The following PHACTR2 variants were observed in gnomAD, a reference collection of about 807,000 sequenced individuals.
PHACTR2 encodes the protein chromosome 6 open reading frame 56.
A neutral mutation model predicts 76.0 loss-of-function variants in PHACTR2; 30 were observed. The observed-to-expected ratio is 0.39, with a 90% CI of 0.30 to 0.54. The LOEUF (loss-of-function observed/expected upper bound fraction) is 0.54. PHACTR2 is among the 20% of genes least tolerant of loss of function. The probability of loss-of-function intolerance (pLI) is 0.61; values close to 1 mark genes in which losing one functional copy is unlikely to be tolerated. For missense variants in PHACTR2, 696 were observed against 781.1 expected, an observed-to-expected ratio of 0.89 and a Z score of 1.30; for synonymous variants, 292 against 292.5, an observed-to-expected ratio of 1.00 and a Z score of 0.02.
chr6:143,575,913 C>T (rs1208948176), intron 1 of PHACTR2, among the ~76,000 whole-genome samples: 2 of 152,098 alleles, frequency 1.3e-5, no homozygotes. Flanking sequence ...TCCAGTTCTT[C>T]GAACAAATAT....
rs1228855032 is a variant in PHACTR2, at chr6:143,608,419, T to G, written c.13+97T>G. ...GTTTGCCTATTTGTTGCTCTCGTTTTGCACTTAAATGTTCAAGACTGAGAC... is the reference window on the plus strand; with the variant it reads ...GTTTGCCTATTTGTTGCTCTCGTTTGGCACTTAAATGTTCAAGACTGAGAC... On this transcript the variant is annotated intron_variant, in intron 1 of 11. Coordinates refer to the PHACTR2 transcript ENST00000305766. This position sits in a 1 kb window ranked among gnomAD's most constrained non-coding sequence, Gnocchi z 4.6. 8.1e-6 allele frequency: 10 copies of G among 1,236,522 alleles called. No homozygotes were observed. Among genetic ancestry groups the G allele is most frequent in the Non-Finnish European group, 1.2e-5 (10 of 844,510 alleles). The allele number at this position is 1,236,522 out of a possible 1,614,324, so 76.6% of individuals were successfully genotyped here.
chr6:143,555,314 G>A (rs1775158552), intron 1 of PHACTR2: 1 of 152,084 alleles, frequency 6.6e-6, no homozygotes, highest in Non-Finnish European at 1.5e-5. Flanking sequence ...ATTTTCTTGG[G>A]GGTAAGTTAA....
intron 2 of PHACTR2, among the ~76,000 whole-genome samples, chr6:143,736,447 G>A (rs950526457): frequency 6.6e-6 from 1 of 150,618 alleles, no homozygotes; most frequent in Non-Finnish European, 1.5e-5. Context: ...TGAAAATATT[G>A]GTGGATTATT....
At chr6:143,771,630 G>T (rs1775146742) in intron 6 of PHACTR2, among the ~76,000 whole-genome samples, 1 of 151,564 alleles carries the variant, frequency 6.6e-6, no homozygotes. Flanking sequence ...TGGAGACAAG[G>T]TCCCCTATGT....
upstream of PHACTR2, among the ~76,000 whole-genome samples, chr6:143,606,225 T>A (rs937599992): frequency 6.6e-6 from 1 of 151,204 alleles, no homozygotes; most frequent in Non-Finnish European, 1.5e-5. Flanking sequence ...CACTTCAAGT[T>A]ATGACACTAA....
intron 1 of PHACTR2, among the ~76,000 whole-genome samples, chr6:143,644,325 G>A (rs778969633): frequency 2.0e-5 from 3 of 151,914 alleles, no homozygotes; most frequent in Non-Finnish European, 2.9e-5. Flanking sequence ...AGAATGAGCC[G>A]GGCATGGTGG....
At position 143,776,834 on chromosome 6, in the gene PHACTR2, C is replaced by A. The variant is rs978614692; in HGVS notation, c.1590-494C>A. ...GGCTCCTTGAAGTCTGCCTGGCAGC[C>A]CCATTCCTTCTGTCTTGCTGCTCTC... On this transcript the variant is annotated intron_variant, in intron 8 of 12. Transcript: ENST00000440869. The surrounding 1 kb of genome is among the most constrained non-coding windows in gnomAD (Gnocchi z 5.3). 1.3e-5 allele frequency among the ~76,000 whole-genome samples: 2 copies of A among 152,210 alleles called. No homozygotes were observed. The highest frequency in any genetic ancestry group is 4.8e-5 in the African/African-American group (2 of 41,460).
At chr6:143,707,760 G>C (rs978807061) in intron 1 of PHACTR2, among the ~76,000 whole-genome samples, 1 of 152,124 alleles carries the variant, frequency 6.6e-6, no homozygotes, top group African/African-American at 2.4e-5. Flanking sequence ...AGAAATACCA[G>C]AGACTGGGTA....
chr6:143,631,687 G>A (rs1776365671), intron 1 of PHACTR2, among the ~76,000 whole-genome samples: 7 of 152,042 alleles, frequency 4.6e-5, no homozygotes, highest in Admixed American at 4.6e-4. Flanking sequence ...CCCCACAAAC[G>A]AGGTCTCATT....
rs1776532130 is a variant in PHACTR2 at position 143,639,775 on chromosome 6, G to T, written c.13+31453G>T. Reference sequence around the variant, plus strand: ...CAAATATGAAACATACACAAATATTGACTATTTACACAGTCACAAAAGAAG... The same window carrying T: ...CAAATATGAAACATACACAAATATTTACTATTTACACAGTCACAAAAGAAG... On this transcript the variant is annotated intron_variant, in intron 1 of 11. Transcript: ENST00000305766. The surrounding 1 kb of genome is among the most constrained non-coding windows in gnomAD (Gnocchi z 5.0). 6.6e-6 allele frequency among the ~76,000 whole-genome samples: 1 copy of T among 152,114 alleles called. No homozygotes were observed. Among genetic ancestry groups the T allele is most frequent in the South Asian group, 2.1e-4 (1 of 4,820 alleles).
At chr6:143,607,470 T>C (rs1255463141), upstream of PHACTR2, among the ~76,000 whole-genome samples, 2 of 152,332 alleles carry the variant, frequency 1.3e-5, no homozygotes, top group Non-Finnish European at 2.9e-5. Context: ...AGTCAGTCTT[T>C]CCTGATCTTC....
intron 2 of PHACTR2, among the ~76,000 whole-genome samples, chr6:143,740,843 G>A (rs1251582974): frequency 1.3e-5 from 2 of 152,228 alleles, no homozygotes; most frequent in Non-Finnish European, 2.9e-5. Context: ...AGAATACAAA[G>A]CAGGAGTCTT....
In PHACTR2 at chr6:143,537,978, C is replaced by T. The variant is rs1484702403; in HGVS notation, c.217+771C>T. On this transcript the variant is annotated intron_variant, in intron 1 of 11. Transcript: ENST00000367584. This position sits in a 1 kb window ranked among gnomAD's most constrained non-coding sequence, Gnocchi z 4.4. ...TACAAAAAATTAGCCGCCGAGGCGG[C>T]GCATGCCTGTAGTCCTAGCTACTCA... Among the ~76,000 whole-genome samples the T allele has an allele frequency of 6.6e-6, 1 of 152,200 alleles. No homozygotes were observed. Among genetic ancestry groups the T allele is most frequent in the African/African-American group, 2.4e-5 (1 of 41,444 alleles).
Position 143,550,936 on chromosome 6 carries a change from A to G in PHACTR2, c.217+13729A>G, listed in dbSNP as rs1429579774. Among the ~76,000 whole-genome samples, 3 of 151,862 alleles carry G rather than the reference A, an allele frequency of 2.0e-5. No individual in the cohort carries two copies. The highest frequency in any genetic ancestry group is 7.2e-5 in the African/African-American group (3 of 41,406). Reference sequence around the variant, plus strand: ...TGTCTGTAGTCCCAGCTACTTGGGAACTGAGGCAGGAGGATCACTTGAGCC... The same window carrying G: ...TGTCTGTAGTCCCAGCTACTTGGGAGCTGAGGCAGGAGGATCACTTGAGCC... On this transcript the variant is annotated intron_variant, in intron 1 of 11. Coordinates refer to the PHACTR2 transcript ENST00000367584. The surrounding 1 kb of genome is among the most constrained non-coding windows in gnomAD (Gnocchi z 4.8).
rs547880830 is a variant in PHACTR2 at position 143,700,283 on chromosome 6, G to A, written c.47-11733G>A. Among the ~76,000 whole-genome samples, 9 of 152,196 alleles carry A rather than the reference G, an allele frequency of 5.9e-5. No homozygotes were observed. In the East Asian group the frequency reaches 9.6e-4, roughly 16 times the overall value. ...AAACTGTGATATTTCAGCCAGGCGC[G>A]GTGGCTCATGCCTGTAAACCAAACA... is the stretch of plus-strand genomic sequence containing the variant. On this transcript the variant is annotated intron_variant, in intron 1 of 12. Coordinates refer to ENST00000440869, the MANE Select transcript of PHACTR2 (RefSeq NM_001100164.2). This position sits in a 1 kb window ranked among gnomAD's most constrained non-coding sequence, Gnocchi z 4.1.
In PHACTR2 at chr6:143,548,950, G is replaced by A. The variant is rs960230820; in HGVS notation, c.217+11743G>A. On this transcript the variant is annotated intron_variant, in intron 1 of 11. Coordinates refer to the PHACTR2 transcript ENST00000367584. The surrounding 1 kb of genome is among the most constrained non-coding windows in gnomAD (Gnocchi z 4.5). ...GGGAACAACAAGATAAGAATAGGAA[G>A]GATGATGGAAATCATTGGCTGGGGT... Among the ~76,000 whole-genome samples, 2 of 151,966 alleles carry A rather than the reference G, an allele frequency of 1.3e-5. No individual in the cohort carries two copies. Among genetic ancestry groups the A allele is most frequent in the African/African-American group, 4.8e-5 (2 of 41,398 alleles).
At position 143,683,596 on chromosome 6, in the gene PHACTR2, T is replaced by C. The variant is rs373775135; in HGVS notation, c.46+5387T>C. Among the ~76,000 whole-genome samples the C allele has an allele frequency of 7.3e-4, 111 of 152,348 alleles. 1 individual carries two copies. The South Asian group carries it at 0.022, about 30-fold the overall frequency. On this transcript the variant is annotated intron_variant, in intron 1 of 12. Coordinates refer to ENST00000440869, the MANE Select transcript of PHACTR2 (RefSeq NM_001100164.2). This position sits in a 1 kb window ranked among gnomAD's most constrained non-coding sequence, Gnocchi z 4.1. The stretch of plus-strand genomic sequence containing the variant: ...GTGCAGGATCACACCTATGTTGTGA[T>C]AGAACCTGTATTCATCTGTGTCTCT...
chr6:143,661,267 A>G (rs1776942118), intron 1 of PHACTR2, among the ~76,000 whole-genome samples: 1 of 152,180 alleles, frequency 6.6e-6, no homozygotes, highest in Admixed American at 6.5e-5. Context: ...GTTAAATATA[A>G]TAGTATTCAG....
At chr6:143,649,209 T>G (rs1776713241) in intron 1 of PHACTR2, among the ~76,000 whole-genome samples, 1 of 152,188 alleles carries the variant, frequency 6.6e-6, no homozygotes, top group African/African-American at 2.4e-5. Context: ...ACAGTGACAT[T>G]CAAGCACAAG....
Sources: allele counts gnomAD v4.1 joint callset (sites outside exome capture counted in the v4.1 genomes callset), GRCh38; gene constraint gnomAD v4.1.1; non-coding constraint Gnocchi (gnomAD v3.1); transcripts MANE v1.5; gene names NCBI Gene and HGNC (gene_info 2026-07-23, HGNC 2026-07-21).